The following RIMS2 variants were observed in gnomAD, a reference collection of about 807,000 sequenced individuals.
The protein encoded by RIMS2 is regulating synaptic membrane exocytosis 2.
In RIMS2, 59 loss-of-function variants were observed where a neutral mutation model predicts 174.4. The observed-to-expected ratio is 0.34, with a 90% CI of 0.27 to 0.42. The LOEUF is 0.42. Ranked by LOEUF, RIMS2 falls within the 10% of genes least tolerant of loss-of-function variation. The probability of loss-of-function intolerance (pLI) is 1.00; values close to 1 mark genes in which losing one functional copy is unlikely to be tolerated. For missense variants in RIMS2, 1,620 were observed against 1,666.3 expected (o/e 0.97, Z 0.48); for synonymous variants, 606 against 572.5 (o/e 1.06, Z -0.84).
chr8:103,697,667 G>A (rs1347861685), intron 2 of RIMS2, among the ~76,000 whole-genome samples: 3 of 152,116 alleles, frequency 2.0e-5, no homozygotes, highest in Non-Finnish European at 4.4e-5. Context: ...AGTCAAGGCT[G>A]TGGTGAGCCA....
chr8:103,624,703 G>C (rs28482300), intron 1 of RIMS2, among the ~76,000 whole-genome samples: 2 of 151,918 alleles, frequency 1.3e-5, no homozygotes, highest in African/African-American at 2.4e-5. Context: ...ATGACTTACT[G>C]TATATCAGGC....
At chr8:103,956,795 A>G (rs1332696272) in intron 14 of RIMS2, among the ~76,000 whole-genome samples, 1 of 152,224 alleles carries the variant, frequency 6.6e-6, no homozygotes, top group Non-Finnish European at 1.5e-5. Flanking sequence ...AAAAGAAGCT[A>G]TCATCAGAGT....
chr8:104,049,729 C>T (rs1257322185), intron 19 of RIMS2, among the ~76,000 whole-genome samples: 6 of 152,064 alleles, frequency 3.9e-5, no homozygotes, highest in Non-Finnish European at 8.8e-5. Context: ...AAATTTTCCA[C>T]TTCAATAGCA....
intron 14 of RIMS2, among the ~76,000 whole-genome samples, chr8:103,959,098 T>C (rs2088821101): frequency 6.6e-6 from 1 of 152,184 alleles, no homozygotes; most frequent in African/African-American, 2.4e-5. Flanking sequence ...GTCATGAATC[T>C]CCAGGTGTGC....
intron 10 of RIMS2, 93 bp downstream of exon 13, chr8:103,921,877 G>C (rs897510468): frequency 1.8e-6 from 1 of 548,028 alleles, no homozygotes; most frequent in Non-Finnish European, 3.3e-6. Context: ...GTTATTCCTA[G>C]AACATAATTG....
chr8:103,998,126 C>CT (rs889597992), intron 17 of RIMS2: 83 of 1,272,272 alleles, frequency 6.5e-5, no homozygotes, highest in Admixed American at 1.6e-4. Flanking sequence ...TTAAACTATA[C>CT]TTTTTTTTCA....
intron 3 of RIMS2, among the ~76,000 whole-genome samples, chr8:103,855,634 C>A (rs993056808): frequency 6.6e-6 from 1 of 151,956 alleles, no homozygotes; most frequent in African/African-American, 2.4e-5. Context: ...TATTGAGGAA[C>A]AAGTTGTTTA....
chr8:103,528,526 T>A (rs1382520786), intron 1 of RIMS2, among the ~76,000 whole-genome samples: 3 of 152,218 alleles, frequency 2.0e-5, no homozygotes, highest in Non-Finnish European at 4.4e-5. Context: ...TGGTTTTAGG[T>A]CTAACATTTA....
At chr8:103,911,987 A>G in intron 5 of RIMS2, 66 bp from the exon 9 acceptor site, 2 of 1,266,140 alleles carry the variant, frequency 1.6e-6, no homozygotes, top group Middle Eastern at 2.2e-4. Context: ...TTTGTCATAA[A>G]ACGATAAATA....
In RIMS2 at chr8:103,900,234, T is replaced by G. The variant is rs548591309; in HGVS notation, c.1625-9900T>G. Among the ~76,000 whole-genome samples, 3 of 151,742 alleles carry G rather than the reference T, an allele frequency of 2.0e-5. No homozygotes were observed. In the South Asian group the frequency reaches 6.2e-4, roughly 31 times the overall value. ...AGCAAATGCTGAGAGATTTTGTTTG[T>G]TCGTTTGAGATAGAGTCTCACTCTT... On this transcript the variant is annotated intron_variant, in intron 4 of 23. Transcript: ENST00000504942.
At chr8:104,166,313 G>A (rs2098797959) in intron 19 of RIMS2, among the ~76,000 whole-genome samples, 1 of 151,830 alleles carries the variant, frequency 6.6e-6, no homozygotes, top group Non-Finnish European at 1.5e-5. Context: ...TGATCCGCCC[G>A]CCTCTGCCTC....
At chr8:103,866,243 G>A (rs923758801) in intron 3 of RIMS2, among the ~76,000 whole-genome samples, 5 of 152,144 alleles carry the variant, frequency 3.3e-5, no homozygotes, top group Admixed American at 6.5e-5. Flanking sequence ...GCAGCAGAAA[G>A]TGAGTGATAT....
intron 2 of RIMS2, among the ~76,000 whole-genome samples, chr8:103,760,441 C>T (rs1435137433): frequency 7.9e-5 from 12 of 152,178 alleles, no homozygotes; most frequent in Non-Finnish European, 1.5e-4. Context: ...AAAATGTTAA[C>T]CTTCTGGGAT....
intron 4 of RIMS2, among the ~76,000 whole-genome samples, chr8:103,900,956 G>A (rs2173081): frequency 0.13 from 20,244 of 151,882 alleles, 1,842 homozygotes; most frequent in Non-Finnish European, 0.2. Context: ...CATTAGTTGC[G>A]CATCTGTCTT....
chr8:103,784,042 G>A lies in RIMS2; in HGVS notation c.698+17505G>A, dbSNP rs1363499230. ...AGTGATGGTGAGCATTTTTTCATGT[G>A]TTTTTTGGCTGCATAAATGTCTTCT... On this transcript the variant is annotated intron_variant, in intron 3 of 23. Transcript: ENST00000504942. Among the ~76,000 whole-genome samples the A allele has an allele frequency of 8.6e-5, 13 of 150,506 alleles. No individual in the cohort carries two copies. The East Asian group carries it at 2.1e-3, about 25-fold the overall frequency.
chr8:103,521,492 A>G (rs1831668256), intron 1 of RIMS2, among the ~76,000 whole-genome samples: 1 of 151,894 alleles, frequency 6.6e-6, no homozygotes, highest in Non-Finnish European at 1.5e-5. Context: ...TATCATAAAT[A>G]TTTCTTCCAT....
intron 19 of RIMS2, among the ~76,000 whole-genome samples, chr8:104,118,588 T>G (rs1289732807): frequency 6.6e-6 from 1 of 151,832 alleles, no homozygotes; most frequent in Non-Finnish European, 1.5e-5. Flanking sequence ...AGGCTGGTCT[T>G]CAACTCCTGG....
intron 19 of RIMS2, among the ~76,000 whole-genome samples, chr8:104,209,364 A>T (rs2099095279): frequency 6.6e-6 from 1 of 152,220 alleles, no homozygotes; most frequent in South Asian, 2.1e-4. Context: ...TGCCTCACAC[A>T]TTGTAGGTGC....
intron 1 of RIMS2, among the ~76,000 whole-genome samples, chr8:103,511,155 A>G (rs2131090595): frequency 6.6e-6 from 1 of 152,236 alleles, no homozygotes; most frequent in Non-Finnish European, 1.5e-5. Flanking sequence ...TGTTTGTGTA[A>G]CTGGGTTTTA....
Sources: allele counts gnomAD v4.1 joint callset (sites outside exome capture counted in the v4.1 genomes callset), GRCh38; gene constraint gnomAD v4.1.1; transcripts MANE v1.5; gene names NCBI Gene and HGNC (gene_info 2026-07-23, HGNC 2026-07-21).